The following ESRRG variants were observed in gnomAD, a reference collection of about 807,000 sequenced individuals.
ESRRG encodes the protein estrogen related receptor gamma.
In ESRRG, 13 loss-of-function variants were observed where a neutral mutation model predicts 44.0. The ratio of observed to expected loss-of-function variants is 0.30; its 90% CI spans 0.19 to 0.47. The LOEUF is 0.47. Ranked by LOEUF, ESRRG falls within the 20% of genes least tolerant of loss-of-function variation. The pLI is 1.00. For missense variants in ESRRG, 395 were observed against 580.6 expected, an observed-to-expected ratio of 0.68 and a Z score of 3.29; for synonymous variants, 215 against 214.6, an observed-to-expected ratio of 1.00 and a Z score of -0.02.
At chr1:216,552,708 A>C (rs1448302640) in intron 5 of ESRRG, among the ~76,000 whole-genome samples, 1 of 152,170 alleles carries the variant, frequency 6.6e-6, no homozygotes, top group Non-Finnish European at 1.5e-5. Context: ...TAAAATACAA[A>C]GGTCTAGCAA....
At chr1:216,848,538 T>G (rs1458170730) in intron 2 of ESRRG, among the ~76,000 whole-genome samples, 1 of 152,114 alleles carries the variant, frequency 6.6e-6, no homozygotes, top group Admixed American at 6.6e-5. Flanking sequence ...TAGTTTTAAA[T>G]TCATTAACAA....
chr1:216,732,137 G>T (rs910471215), intron 2 of ESRRG, among the ~76,000 whole-genome samples: 5 of 147,158 alleles, frequency 3.4e-5, no homozygotes. Flanking sequence ...AAAAAGAAAG[G>T]TTTTGTCAAC....
chr1:217,109,323 A>T (rs2092634940), intron 1 of ESRRG, among the ~76,000 whole-genome samples: 1 of 152,172 alleles, frequency 6.6e-6, no homozygotes, highest in Non-Finnish European at 1.5e-5. Context: ...ATTGAGCAAA[A>T]ACACAAAAGA....
chr1:216,777,182 T>C (rs1157861664), intron 2 of ESRRG, among the ~76,000 whole-genome samples: 1 of 152,102 alleles, frequency 6.6e-6, no homozygotes, highest in Non-Finnish European at 1.5e-5. Context: ...GACGCTAACA[T>C]AAATAAAATG....
rs1039010825 is a variant in ESRRG at position 217,000,902 on chromosome 1, T to C, written c.-105-61229A>G. 2.6e-5 allele frequency among the ~76,000 whole-genome samples: 4 copies of C among 152,238 alleles called. No individual in the cohort carries two copies. In the South Asian group the frequency reaches 8.3e-4, roughly 31 times the overall value. On this transcript the variant is annotated intron_variant, in intron 1 of 7. Coordinates refer to the ESRRG transcript ENST00000359162. ...GCACATGTTAAAGACAGATACACTT[T>C]TCCATTCAATCAGGGACAATGCCGT...
intron 1 of ESRRG, among the ~76,000 whole-genome samples, chr1:217,048,564 C>A (rs567092699): frequency 3.3e-5 from 5 of 152,276 alleles, no homozygotes; most frequent in African/African-American, 9.6e-5. Flanking sequence ...TATGCAGAAA[C>A]CAGGCCCCCT....
intron 2 of ESRRG, among the ~76,000 whole-genome samples, chr1:216,824,999 G>C (rs941338264): frequency 3.3e-5 from 5 of 152,180 alleles, no homozygotes; most frequent in Non-Finnish European, 7.3e-5. Flanking sequence ...GTAGTCTACA[G>C]AATGTGTCAC....
At chr1:216,884,505 G>A (rs1055257133) in intron 2 of ESRRG, among the ~76,000 whole-genome samples, 5 of 152,124 alleles carry the variant, frequency 3.3e-5, no homozygotes, top group African/African-American at 4.8e-5. Flanking sequence ...TAGGCTTCTC[G>A]TGGGTTCAAG....
chr1:217,033,814 G>T (rs2082426699), intron 1 of ESRRG, among the ~76,000 whole-genome samples: 1 of 152,116 alleles, frequency 6.6e-6, no homozygotes, highest in Non-Finnish European at 1.5e-5. Context: ...TTCATATAGG[G>T]TCTTATTTAA....
chr1:216,942,111 T>G lies in ESRRG; in HGVS notation c.-105-2438A>C, dbSNP rs543363885. On this transcript the variant is annotated intron_variant, in intron 1 of 7. Coordinates refer to the ESRRG transcript ENST00000359162. ...GTCCCCAGTGTCTATTGTTCTCATC[T>G]TTGTCTGTTTCTATCCAATGTTTAG... 2.7e-5 allele frequency among the ~76,000 whole-genome samples: 4 copies of G among 147,582 alleles called. No individual in the cohort carries two copies. The South Asian group carries it at 9.3e-4, about 34-fold the overall frequency.
chr1:216,715,000 T>C (rs1428734342), intron 1 of ESRRG: 1 of 769,142 alleles, frequency 1.3e-6, no homozygotes, highest in Non-Finnish European at 1.6e-6. Context: ...TGTGCATAAA[T>C]TGTCCATTTG....
At chr1:217,034,317 C>T (rs1265360137) in intron 1 of ESRRG, among the ~76,000 whole-genome samples, 2 of 152,138 alleles carry the variant, frequency 1.3e-5, no homozygotes, top group Admixed American at 6.5e-5. Flanking sequence ...AAATATCTTT[C>T]GTACCCATAT....
intron 1 of ESRRG, among the ~76,000 whole-genome samples, chr1:217,122,586 C>T (rs548304485): frequency 6.6e-6 from 1 of 151,430 alleles, no homozygotes; most frequent in Non-Finnish European, 1.5e-5. Context: ...TCCGGTGGTT[C>T]TTCCTCCCCT....
chr1:216,699,335 CTATT>C (rs1162434514), intron 1 of ESRRG, among the ~76,000 whole-genome samples: 1 of 152,090 alleles, frequency 6.6e-6, no homozygotes, highest in African/African-American at 2.4e-5. Flanking sequence ...AATGGGATAA[CTATT>C]TATCTAAAAA....
chr1:217,063,757 T>C (rs545950788), intron 1 of ESRRG, among the ~76,000 whole-genome samples: 5 of 152,334 alleles, frequency 3.3e-5, no homozygotes, highest in African/African-American at 1.2e-4. Context: ...TTTCTAAGTA[T>C]ACCAGTTACT....
intron 2 of ESRRG, among the ~76,000 whole-genome samples, chr1:216,890,861 C>T (rs557598280): frequency 5.9e-5 from 9 of 152,288 alleles, no homozygotes; most frequent in Admixed American, 2.0e-4. Flanking sequence ...TCTCTCCTAT[C>T]GCACTGTTTC....
intron 4 of ESRRG, 137 bp downstream of exon 4, chr1:216,567,851 G>T (rs1402635349): frequency 3.3e-6 from 2 of 604,576 alleles, no homozygotes; most frequent in African/African-American, 3.7e-5. Context: ...GACAATCTTT[G>T]GGAATAGAGC....
upstream of ESRRG, among the ~76,000 whole-genome samples, chr1:216,724,743 G>A (rs566305016): frequency 1.6e-4 from 24 of 152,162 alleles, no homozygotes; most frequent in African/African-American, 4.3e-4. Context: ...TGTGTACACC[G>A]TGTCTTTAAT....
intron 5 of ESRRG, among the ~76,000 whole-genome samples, chr1:216,541,717 A>G (rs2052842018): frequency 6.6e-6 from 1 of 151,906 alleles, no homozygotes; most frequent in Non-Finnish European, 1.5e-5. Context: ...GATATAGGGA[A>G]TAGCTTACAA....
Sources: gnomAD v4.1 joint callset for allele counts (sites outside exome capture counted in the v4.1 genomes callset) on GRCh38, gnomAD v4.1.1 for gene constraint, MANE v1.5 for transcripts, NCBI Gene and HGNC (gene_info 2026-07-23, HGNC 2026-07-21) for gene names.